The following FGF13 variants were observed in gnomAD, a reference collection of about 807,000 sequenced individuals.
FGF13 encodes fibroblast growth factor 13, also known as fibroblast growth factor homologous factor 2.
A neutral mutation model predicts 19.5 loss-of-function variants in FGF13; 2 were observed. The observed-to-expected ratio is 0.10, with a 90% confidence interval of 0.04 to 0.32. The LOEUF is 0.32. Among genes scored for constraint, FGF13 ranks in the 10% least tolerant of loss-of-function variants. The pLI is 1.00. For synonymous variants in FGF13, 72 were observed against 76.9 expected (o/e 0.94, Z 0.33); for missense variants, 113 against 192.7 (o/e 0.59, Z 2.45).
chrX:139,078,099 G>A (rs777176478), intron 1 of FGF13, among the ~76,000 whole-genome samples: 11 of 110,797 alleles, frequency 9.9e-5, no homozygotes, highest in Non-Finnish European at 2.1e-4. Flanking sequence ...TGATTCATAT[G>A]CCTACTTGAG....
chrX:139,044,974 C>T (rs939937484), intron 1 of FGF13, among the ~76,000 whole-genome samples: 10 of 112,198 alleles, frequency 8.9e-5, no homozygotes, highest in Non-Finnish European at 1.9e-4. Flanking sequence ...TTCGACTCCA[C>T]ATTTTCCCTG....
chrX:139,159,083 G>T (rs780333471), intron 1 of FGF13, among the ~76,000 whole-genome samples: 13 of 111,874 alleles, frequency 1.2e-4, no homozygotes, highest in African/African-American at 4.2e-4. Context: ...AGAGAGAAAG[G>T]TTGGGTTACC....
intron 3 of FGF13, among the ~76,000 whole-genome samples, chrX:138,771,996 G>C (rs187648162): frequency 1.8e-3 from 116 of 63,895 alleles, no homozygotes; most frequent in Middle Eastern, 0.014. Flanking sequence ...TTTCATAAAA[G>C]CAAATATTAA....
At chrX:138,936,150 G>C (rs968425589) in intron 1 of FGF13, among the ~76,000 whole-genome samples, 6 of 112,151 alleles carry the variant, frequency 5.3e-5, no homozygotes, top group African/African-American at 1.9e-4. Flanking sequence ...TGGGGCGAAG[G>C]CCCCACAGTC....
intron 1 of FGF13, among the ~76,000 whole-genome samples, chrX:138,724,522 G>A (rs1010603026): frequency 1.8e-5 from 2 of 111,820 alleles, no homozygotes; most frequent in African/African-American, 6.5e-5. Context: ...TTAGCAAAGA[G>A]TACTTACAGG....
chrX:138,943,795 T>C (rs2091769550), intron 1 of FGF13, among the ~76,000 whole-genome samples: 1 of 111,469 alleles, frequency 9.0e-6, no homozygotes, highest in South Asian at 3.9e-4. Flanking sequence ...TATTTTCACC[T>C]CTCGGAGACA....
At chrX:138,715,536 G>A (rs758192368), upstream of FGF13, among the ~76,000 whole-genome samples, 6 of 111,705 alleles carry the variant, frequency 5.4e-5, no homozygotes, top group Non-Finnish European at 9.4e-5. Flanking sequence ...GATTTCTTAC[G>A]TAAAAAATAA....
intron 1 of FGF13, among the ~76,000 whole-genome samples, chrX:138,932,009 C>G (rs949050485): frequency 1.8e-5 from 2 of 110,039 alleles, no homozygotes; most frequent in African/African-American, 6.6e-5. Flanking sequence ...TATCCCCCCA[C>G]CCCCCATTTT....
chrX:138,667,265 A>T (rs920460017), intron 3 of FGF13, among the ~76,000 whole-genome samples: 10 of 107,226 alleles, frequency 9.3e-5, no homozygotes, highest in African/African-American at 3.0e-4. Flanking sequence ...GAATATATGT[A>T]TATATATAGA....
At chrX:138,914,161 T>A (rs5931514) in intron 1 of FGF13, among the ~76,000 whole-genome samples, 17,028 of 107,963 alleles carry the variant, frequency 0.16, 1,318 homozygotes, top group Middle Eastern at 0.26. Flanking sequence ...GAGCACCTTA[T>A]CCTCACCTCT....
rs768039469 is a variant in FGF13, at chrX:139,193,399, G to A, written c.-113+10017C>T. On this transcript the variant is annotated intron_variant, in intron 1 of 2. Transcript: ENST00000421460. ...GATGGATGATAAGCATTGTCATTAC[G>A]TAACACATTTAGTGAGCACTTGCTT... 1.2e-4 allele frequency among the ~76,000 whole-genome samples: 13 copies of A among 112,248 alleles called. No individual in the cohort carries two copies. In the South Asian group the frequency reaches 4.1e-3, roughly 36 times the overall value.
At chrX:138,761,118 C>A (rs1296117566) in intron 3 of FGF13, among the ~76,000 whole-genome samples, 1 of 111,529 alleles carries the variant, frequency 9.0e-6, no homozygotes, top group Non-Finnish European at 1.9e-5. Flanking sequence ...TGTTCCTCTC[C>A]GGCCCTGATC....
downstream of FGF13, among the ~76,000 whole-genome samples, chrX:138,856,244 A>AGCTC (rs2091257211): frequency 9.0e-6 from 1 of 111,514 alleles, no homozygotes; most frequent in Admixed American, 9.6e-5. Context: ...TATGGGTAGA[A>AGCTC]TATAAATATG....
chrX:138,903,512 T>C (rs2091542521), intron 1 of FGF13, among the ~76,000 whole-genome samples: 1 of 111,510 alleles, frequency 9.0e-6, no homozygotes, highest in South Asian at 3.8e-4. Flanking sequence ...CACTGCTCCT[T>C]CCAAATAAGA....
chrX:139,048,787 T>G (rs1338187902), intron 1 of FGF13, among the ~76,000 whole-genome samples: 3 of 111,358 alleles, frequency 2.7e-5, no homozygotes, highest in African/African-American at 9.8e-5. Flanking sequence ...AGTTAAATTC[T>G]TATTCATTCA....
At chrX:138,670,516 T>C (rs1285998344) in intron 3 of FGF13, among the ~76,000 whole-genome samples, 1 of 112,059 alleles carries the variant, frequency 8.9e-6, no homozygotes, top group East Asian at 2.8e-4. Context: ...ATAATGTGGA[T>C]GTACATTTAT....
intron 3 of FGF13, among the ~76,000 whole-genome samples, chrX:138,848,879 G>A (rs2091202976): frequency 8.9e-6 from 1 of 111,750 alleles, no homozygotes; most frequent in Admixed American, 9.6e-5. Flanking sequence ...ATTTAGTTCA[G>A]CTGACATTAC....
chrX:139,090,791 A>G (rs1319283316), intron 1 of FGF13, among the ~76,000 whole-genome samples: 1 of 109,493 alleles, frequency 9.1e-6, no homozygotes, highest in East Asian at 2.9e-4. Flanking sequence ...AATTACAAAA[A>G]TTAGCCGGGT....
chrX:139,074,733 G>T (rs1042617818), intron 1 of FGF13, among the ~76,000 whole-genome samples: 2 of 111,975 alleles, frequency 1.8e-5, no homozygotes, highest in Non-Finnish European at 1.9e-5. Context: ...GGAAGTCTCC[G>T]CCCCCTTCTC....
Sources: allele counts gnomAD v4.1 joint callset (sites outside exome capture counted in the v4.1 genomes callset), GRCh38; gene constraint gnomAD v4.1.1; transcripts MANE v1.5; gene names NCBI Gene and HGNC (gene_info 2026-07-23, HGNC 2026-07-21).